Variants in HJV observed in about 807,000 individuals in gnomAD.
The protein encoded by HJV is hemojuvelin BMP co-receptor.
A neutral mutation model predicts 22.7 loss-of-function variants in HJV; 18 were observed. The observed-to-expected ratio is 0.79, with a 90% CI of 0.55 to 1.18. HJV has a LOEUF of 1.18. Among genes scored for constraint, HJV ranks in the 50% most tolerant of loss-of-function variants. The pLI is 0.00. For missense variants in HJV, 572 were observed against 553.0 expected, an observed-to-expected ratio of 1.03 and a Z score of -0.34; for synonymous variants, 229 against 222.7, an observed-to-expected ratio of 1.03 and a Z score of -0.25.
rs587719747 is a variant in HJV, at chr1:146,020,667, C to G, written c.-89-347G>C. Among the ~76,000 whole-genome samples, 6 of 152,218 alleles carry G rather than the reference C, an allele frequency of 3.9e-5. No homozygotes were observed. In the East Asian group the frequency reaches 1.2e-3, roughly 29 times the overall value. ...CAGATACCAGTAATCCTAGTGGGTA[C>G]CCTAGTAAAATTAGGACCTGAAAAT... On this transcript the variant is annotated intron_variant, in intron 1 of 3. Transcript: ENST00000336751.
chr1:146,019,651 C>G lies in HJV; in HGVS notation c.181G>C (p.Ala61Pro), dbSNP rs1652592897. Residue 61 changes from alanine to proline, a missense_variant, in exon 3 of 4, where the codon GCA becomes CCA. Physicochemically the swap from Ala to Pro is conservative, Grantham distance 27. Coordinates refer to ENST00000336751, the MANE Select transcript of HJV (RefSeq NM_213653.4). ...CCTCCTCCTCCTCCTCCTCGAAGTG[C>G]TCCTGATGAACCCCCACCTCTAAGG... is the stretch of plus-strand genomic sequence containing the variant. The part of the protein sequence containing the change: ...LSLRGGGSSG[A>P]LRGGGGGGRG... 1.9e-6 allele frequency: 3 copies of G among 1,613,326 alleles called. No individual in the cohort carries two copies. Among genetic ancestry groups the G allele is most frequent in the Non-Finnish European group, 2.5e-6 (3 of 1,179,586 alleles).
chr1:146,018,043 C>A lies in HJV; in HGVS notation c.*34G>T. 6.2e-7 allele frequency: 1 copy of A among 1,611,100 alleles called. No homozygotes were observed. Among genetic ancestry groups the A allele is most frequent in the South Asian group, 1.1e-5 (1 of 90,840 alleles). Reference sequence around the variant, plus strand: ...TCTATGCCAATCTGTATCTCCAAATCATTTCCAAACTAGTAATGGGACTGA... The same window carrying A: ...TCTATGCCAATCTGTATCTCCAAATAATTTCCAAACTAGTAATGGGACTGA... On this transcript the variant is annotated 3_prime_UTR_variant, in exon 4 of 4. Transcript: ENST00000336751.
At position 146,018,179 on chromosome 1, in the gene HJV, CTT is replaced by C; in HGVS notation, c.1177_1178del (p.Lys393AlafsTer46). 3.7e-6 allele frequency: 6 copies of C among 1,614,116 alleles called. No homozygotes were observed. Among genetic ancestry groups the C allele is most frequent in the Non-Finnish European group, 5.1e-6 (6 of 1,180,016 alleles). On this transcript the variant is annotated frameshift_variant, in exon 4 of 4. Coordinates refer to ENST00000336751, the MANE Select transcript of HJV (RefSeq NM_213653.4). LOFTEE classifies it low-confidence loss of function (END_TRUNC). ...DARAFLPDLE[K>X]LHLFPSDAGV... ...CAGCATCTGAGGGGAAGAGATGCAG[CTT>C]CTCTAAGTCTGGCAGGAAGGCTCGG... is the stretch of plus-strand genomic sequence containing the variant.
chr1:146,017,772 C>T lies in HJV; in HGVS notation c.*305G>A, dbSNP rs1370564847. ...TTAAATCTTTACTGATCATTAAAAC[C>T]TTCATGACCTCTAAACTTATAAGGG... On this transcript the variant is annotated 3_prime_UTR_variant, in exon 4 of 4. Coordinates refer to ENST00000336751, the MANE Select transcript of HJV (RefSeq NM_213653.4). 5.9e-5 allele frequency: 21 copies of T among 355,614 alleles called. No homozygotes were observed. Among genetic ancestry groups the T allele is most frequent in the Non-Finnish European group, 3.8e-5 (7 of 184,074 alleles). The allele number at this position is 355,614 out of a possible 1,614,324, so 22.0% of individuals were successfully genotyped here.
Position 146,019,160 on chromosome 1 carries a change from G to A in HJV, c.657+15C>T. 2 of 1,600,528 alleles carry A rather than the reference G, an allele frequency of 1.2e-6. No homozygotes were observed. Among genetic ancestry groups the A allele is most frequent in the Non-Finnish European group, 1.7e-6 (2 of 1,167,572 alleles). On this transcript the variant is annotated intron_variant, in intron 3 of 3. Coordinates refer to ENST00000336751, the MANE Select transcript of HJV (RefSeq NM_213653.4). The stretch of plus-strand genomic sequence containing the variant: ...ATCTCATGAGGTGGATCGGAAGGAA[G>A]ATTGAGTGCCTGACCTTCCGGGTGG...
rs139401358 is a variant in HJV at position 146,019,400 on chromosome 1, G to C, written c.432C>G (p.Ala144=). 1,734 of 1,613,362 alleles carry C rather than the reference G, an allele frequency of 1.1e-3. No individual in the cohort carries two copies. The highest frequency in any genetic ancestry group is 1.3e-3 in the Non-Finnish European group (1,574 of 1,179,844). ...ALPGAGSGLP[A]PDPCDYEGRF... ...GGCCTTCATAGTCACAAGGGTCCGGGGCAGGGAGGCCGGAGCCCGCGCCTG... is the reference window on the plus strand; with the variant it reads ...GGCCTTCATAGTCACAAGGGTCCGGCGCAGGGAGGCCGGAGCCCGCGCCTG... The change falls in exon 3 of 4, where the codon GCC becomes GCG. Residue 144 remains alanine (A), a synonymous_variant. Coordinates refer to ENST00000336751, the MANE Select transcript of HJV (RefSeq NM_213653.4).
In HJV at chr1:146,017,981, C is replaced by G; in HGVS notation, c.*96G>C. 3 of 1,359,436 alleles carry G rather than the reference C, an allele frequency of 2.2e-6. No individual in the cohort carries two copies. The highest frequency in any genetic ancestry group is 3.1e-6 in the Non-Finnish European group (3 of 954,630). The allele number at this position is 1,359,436 out of a possible 1,614,324, so 84.2% of individuals were successfully genotyped here. A position where few individuals can be genotyped will look rare whatever the true frequency, so the allele number is the denominator to read the frequency against. On this transcript the variant is annotated 3_prime_UTR_variant, in exon 4 of 4. Coordinates refer to ENST00000336751, the MANE Select transcript of HJV (RefSeq NM_213653.4). ...GATAATGTCATTGTTTCACGTGTCT[C>G]CTAGGCCCTGCTTCCTTTAATGATT...
intron 1 of HJV, 67 bp downstream of exon 1, chr1:146,021,520 A>G (rs1652740372): frequency 6.6e-6 from 1 of 152,652 alleles, no homozygotes; most frequent in Non-Finnish European, 1.5e-5. Context: ...AGGTGTTTGT[A>G]ATTTTATAAA....
rs146027304 is a variant in HJV, at chr1:146,018,676, G to T, written c.682C>A (p.Gln228Lys). Residue 228 changes from glutamine (Q) to lysine (K), a missense_variant, in exon 4 of 4, where the codon CAG (glutamine) becomes AAG (lysine). By Grantham distance (53) the Gln-to-Lys change is moderately conservative (BLOSUM62 1). Transcript: ENST00000336751. ...TACACCTTCTGATCAATGCATTCCT[G>T]CATGTTCTTAAATATGATGGTGAGC... The part of the protein sequence containing the change: ...RKLTIIFKNM[Q>K]ECIDQKVYQA... The T allele has an allele frequency of 2.5e-4, 410 of 1,614,136 alleles. 1 individual carries two copies. In the African/African-American group the frequency reaches 5.0e-3, roughly 20 times the overall value.
In HJV at chr1:146,018,429, G is replaced by C. The variant is rs7540883; in HGVS notation, c.929C>G (p.Ala310Gly). ...VAEDVAMAFS[A>G]EQDLQLCVGG... is the part of the protein sequence containing the mutation. ...AACACAGAGCTGCAGGTCCTGTTCAGCTGAGAAGGCCATGGCCACATCCTC... is the reference window on the plus strand; with the variant it reads ...AACACAGAGCTGCAGGTCCTGTTCACCTGAGAAGGCCATGGCCACATCCTC... Residue 310 changes from alanine to glycine, a missense_variant, in exon 4 of 4, where the codon GCT becomes GGT. Physicochemically the swap from Ala to Gly is moderately conservative, Grantham distance 60 (BLOSUM62 0). Transcript: ENST00000336751. 6,322 of 1,614,126 alleles carry C rather than the reference G, an allele frequency of 3.9e-3. 194 individuals carry two copies. In the African/African-American group the frequency reaches 0.074, roughly 19 times the overall value.
In HJV at chr1:146,018,065, C is replaced by G. The variant is rs1553769335; in HGVS notation, c.*12G>C. ...AATCATTTCCAAACTAGTAATGGGA[C>G]TGATGGTCCCCTTACTGAATGCAAA... On this transcript the variant is annotated 3_prime_UTR_variant, in exon 4 of 4. Transcript: ENST00000336751. 3 of 1,613,770 alleles carry G rather than the reference C, an allele frequency of 1.9e-6. No individual in the cohort carries two copies. The highest frequency in any genetic ancestry group is 2.5e-6 in the Non-Finnish European group (3 of 1,179,848).
rs1553769512 is a variant in HJV at position 146,018,606 on chromosome 1, G to A, written c.752C>T (p.Ser251Phe). Residue 251 changes from serine (S) to phenylalanine (F), a missense_variant, in exon 4 of 4, where the codon TCT (serine) becomes TTT (phenylalanine). Physicochemically the swap from Ser to Phe is radical, Grantham distance 155. Transcript: ENST00000336751. Reference protein sequence around the residue: ...DNLPVAFEDGSINGGDRPGGS... With the variant: ...DNLPVAFEDGFINGGDRPGGS... Reference sequence around the variant, plus strand: ...CCCAGGTCGGTCACCTCCATTGATAGAACCATCTTCAAAGGCTACAGGAAG... The same window carrying A: ...CCCAGGTCGGTCACCTCCATTGATAAAACCATCTTCAAAGGCTACAGGAAG... The A allele has an allele frequency of 6.2e-7, 1 of 1,614,164 alleles. No homozygotes were observed. Among genetic ancestry groups the A allele is most frequent in the Non-Finnish European group, 8.5e-7 (1 of 1,180,002 alleles).
Position 146,019,710 on chromosome 1 carries a change from C to T in HJV, c.122G>A (p.Arg41His), listed in dbSNP as rs781785800. The T allele has an allele frequency of 6.2e-7, 1 of 1,613,920 alleles. No individual in the cohort carries two copies. The highest frequency in any genetic ancestry group is 1.7e-5 in the Admixed American group (1 of 59,984). The change falls in exon 3 of 4, where the codon CGC (arginine) becomes CAC (histidine). Residue 41 changes from arginine (R) to histidine (H), a missense_variant. Arg to His is a conservative substitution (Grantham distance 29, BLOSUM62 0). Transcript: ENST00000336751. ...GHAHSQCKIL[R>H]CNAEYVSSTL... ...GGACGATACGTACTCAGCATTGCAG[C>T]GGAGGATCTTGCATTGAGAATGAGC...
Position 146,017,814 on chromosome 1 carries a change from T to C in HJV, c.*263A>G. On this transcript the variant is annotated 3_prime_UTR_variant, in exon 4 of 4. Coordinates refer to ENST00000336751, the MANE Select transcript of HJV (RefSeq NM_213653.4). ...TTATAAGGGTGAAATCTGCAGTAAA[T>C]GGATTAGAACAATTTGTTTACTATA... 1 of 474,284 alleles carries C rather than the reference T, an allele frequency of 2.1e-6. No individual in the cohort carries two copies. The highest frequency in any genetic ancestry group is 2.4e-5 in the South Asian group (1 of 40,872). 29.4% of individuals were successfully genotyped at this position (474,284 alleles called of 1,614,324 possible). A position where few individuals can be genotyped will look rare whatever the true frequency, so the allele number is the denominator to read the frequency against.
At chr1:146,018,942 C>T (rs1652524084) in intron 3 of HJV, among the ~76,000 whole-genome samples, 1 of 152,194 alleles carries the variant, frequency 6.6e-6, no homozygotes, top group African/African-American at 2.4e-5. Context: ...CTCCTCAGGT[C>T]CGCCCTCTCC....
chr1:146,018,512 G>A lies in HJV; in HGVS notation c.846C>T (p.Gly282=). ...NHVEIQAAYI[G]TTIIIRQTAG... ...CTGTCTGCCGAATGATTATAGTTGTGCCAATGTAGGCAGCTTGGATCTCCA... is the reference window on the plus strand; with the variant it reads ...CTGTCTGCCGAATGATTATAGTTGTACCAATGTAGGCAGCTTGGATCTCCA... Residue 282 remains glycine (G), a synonymous_variant, in exon 4 of 4, where the codon GGC becomes GGT. Coordinates refer to ENST00000336751, the MANE Select transcript of HJV (RefSeq NM_213653.4). 6.2e-7 allele frequency: 1 copy of A among 1,614,134 alleles called. No individual in the cohort carries two copies. Among genetic ancestry groups the A allele is most frequent in the Non-Finnish European group, 8.5e-7 (1 of 1,180,026 alleles).
chr1:146,017,745 C>T lies in HJV; in HGVS notation c.*332G>A. ...GCTCTTGCCTCTTAAAAATCTCAAC[C>T]CTTAAATCTTTACTGATCATTAAAA... is the stretch of plus-strand genomic sequence containing the variant. On this transcript the variant is annotated 3_prime_UTR_variant, in exon 4 of 4. Transcript: ENST00000336751. 6.8e-6 allele frequency: 2 copies of T among 295,678 alleles called. No individual in the cohort carries two copies. The highest frequency in any genetic ancestry group is 6.8e-6 in the Non-Finnish European group (1 of 147,470). 18.3% of individuals were successfully genotyped at this position (295,678 alleles called of 1,614,324 possible).
intron 3 of HJV, among the ~76,000 whole-genome samples, chr1:146,018,932 C>T (rs145664113): frequency 6.6e-6 from 1 of 152,226 alleles, no homozygotes; most frequent in Non-Finnish European, 1.5e-5. Flanking sequence ...CCTTCTGAAA[C>T]TCCTCAGGTC....
chr1:146,020,316 A>G lies in HJV; in HGVS notation c.-85T>C. 3.4e-6 allele frequency: 3 copies of G among 884,440 alleles called. No individual in the cohort carries two copies. The highest frequency in any genetic ancestry group is 3.9e-6 in the Non-Finnish European group (2 of 516,444). The allele number at this position is 884,440 out of a possible 1,614,324, so 54.8% of individuals were successfully genotyped here. On this transcript the variant is annotated 5_prime_UTR_variant, in exon 2 of 4. Transcript: ENST00000336751. ...GTGAATTTTGACCGGAAGCCCTGTA[A>G]GTGACTGAAAAAAGAAATTTGGCTG...
Sources: allele counts gnomAD v4.1 joint callset (sites outside exome capture counted in the v4.1 genomes callset), GRCh38; gene constraint gnomAD v4.1.1; transcripts MANE v1.5; gene names NCBI Gene and HGNC (gene_info 2026-07-23, HGNC 2026-07-21).